Variants in FBXW7 observed in about 807,000 individuals in gnomAD.
FBXW7 encodes the protein F-box and WD repeat domain containing 7, also known as F-box/WD repeat-containing protein 7.
FBXW7 carries 11 observed loss-of-function variants against 86.3 expected under a neutral mutation model. That is an observed-to-expected ratio of 0.13 (90% confidence interval 0.08 to 0.21). The LOEUF (loss-of-function observed/expected upper bound fraction) is 0.21. FBXW7 is among the 10% of genes least tolerant of loss of function. FBXW7 has a pLI of 1.00. For synonymous variants in FBXW7, 313 were observed against 297.9 expected (o/e 1.05, Z -0.52); for missense variants, 488 against 847.4 (o/e 0.58, Z 5.27).
chr4:152,346,835 T>C (rs1283519308), intron 6 of FBXW7, 95 bp downstream of exon 6: 9 of 1,516,500 alleles, frequency 5.9e-6, no homozygotes, highest in South Asian at 1.2e-5. Flanking sequence ...CAGTATACTA[T>C]GTAACAGTGT....
intron 2 of FBXW7, among the ~76,000 whole-genome samples, chr4:152,503,044 T>C (rs1747100421): frequency 1.3e-5 from 2 of 152,184 alleles, no homozygotes; most frequent in African/African-American, 4.8e-5. Context: ...AAATCACATT[T>C]ACATAAAGAG....
intron 4 of FBXW7, among the ~76,000 whole-genome samples, chr4:152,381,219 T>A (rs893498330): frequency 1.3e-5 from 2 of 152,104 alleles, no homozygotes; most frequent in Non-Finnish European, 2.9e-5. Context: ...GAAGATTCTC[T>A]TTATTAAGGA....
At chr4:152,527,883 C>T (rs1749666537) in intron 2 of FBXW7, among the ~76,000 whole-genome samples, 1 of 151,632 alleles carries the variant, frequency 6.6e-6, no homozygotes, top group East Asian at 1.9e-4. Flanking sequence ...CACACACACA[C>T]ACACACACAC....
chr4:152,535,585 G>A lies in FBXW7; in HGVS notation c.-671C>T, dbSNP rs1750467446. 3 of 396,922 alleles carry A rather than the reference G, an allele frequency of 7.6e-6. No individual in the cohort carries two copies. The South Asian group carries it at 3.8e-4, about 51-fold the overall frequency. 24.6% of individuals were successfully genotyped at this position (396,922 alleles called of 1,614,324 possible). ...GCCCCGGGCGGGTGGCCGAGTCGGC[G>A]GCAAGGCGAGGGACCCGGCCGGCTC... On this transcript the variant is annotated 5_prime_UTR_variant, in exon 1 of 14. Coordinates refer to ENST00000281708, the MANE Select transcript of FBXW7 (RefSeq NM_001349798.2).
rs559748466 is a variant in FBXW7, at chr4:152,375,139, A to C, written c.502-25015T>G. 2.0e-5 allele frequency among the ~76,000 whole-genome samples: 3 copies of C among 152,140 alleles called. No individual in the cohort carries two copies. The East Asian group carries it at 5.8e-4, about 29-fold the overall frequency. On this transcript the variant is annotated intron_variant, in intron 4 of 13. Transcript: ENST00000281708. ...GGGCTAAATGACAAAGCTATGACAGAAATGTAATGCTAAGTAACAGTGCTA... is the reference window on the plus strand; with the variant it reads ...GGGCTAAATGACAAAGCTATGACAGCAATGTAATGCTAAGTAACAGTGCTA...
At chr4:152,483,743 G>GTGTGTGTGTGCACACACACACTTGCA in intron 2 of FBXW7, among the ~76,000 whole-genome samples, 1 of 151,834 alleles carries the variant, frequency 6.6e-6, no homozygotes, top group Admixed American at 6.6e-5. Context: ...TCTGTGTTGT[G>GTGTGTGTGTGCACACACACACTTGCA]TGTGTGTGTG....
chr4:152,355,932 G>A (rs922666272), intron 4 of FBXW7, among the ~76,000 whole-genome samples: 4 of 152,132 alleles, frequency 2.6e-5, no homozygotes, highest in Non-Finnish European at 5.9e-5. Flanking sequence ...TTTTAGAAGG[G>A]CAAGTTGTGG....
intron 4 of FBXW7, among the ~76,000 whole-genome samples, chr4:152,371,256 C>T (rs994526155): frequency 1.6e-4 from 25 of 151,622 alleles, no homozygotes; most frequent in African/African-American, 5.3e-4. Flanking sequence ...GAGATACATG[C>T]TAGTTTCTGC....
chr4:152,363,399 A>G (rs1733169142), intron 4 of FBXW7, among the ~76,000 whole-genome samples: 1 of 152,208 alleles, frequency 6.6e-6, no homozygotes. Context: ...CCAACTCAGG[A>G]GGGAAGGACA....
At chr4:152,323,857 T>C (rs1364737994) in intron 13 of FBXW7, 1 of 200,338 alleles carries the variant, frequency 5.0e-6, no homozygotes, top group African/African-American at 2.4e-5. Flanking sequence ...AAATTCAAAA[T>C]GCAATGGTCA....
intron 2 of FBXW7, among the ~76,000 whole-genome samples, chr4:152,527,901 C>CACACATAT (rs71596295): frequency 2.0e-5 from 3 of 149,188 alleles, no homozygotes; most frequent in Non-Finnish European, 3.0e-5. Flanking sequence ...CACACACACA[C>CACACATAT]ATATATATAC....
intron 2 of FBXW7, among the ~76,000 whole-genome samples, chr4:152,437,354 G>A (rs1234794248): frequency 6.6e-6 from 1 of 151,894 alleles, no homozygotes; most frequent in East Asian, 1.9e-4. Flanking sequence ...ACTCCAGCCT[G>A]GGAGACAGAG....
intron 2 of FBXW7, among the ~76,000 whole-genome samples, chr4:152,478,914 G>A (rs1203732435): frequency 6.6e-6 from 1 of 151,934 alleles, no homozygotes; most frequent in Non-Finnish European, 1.5e-5. Context: ...TTTTGCTGTT[G>A]GGCATAGTAC....
chr4:152,390,475 T>C (rs1219997332), intron 4 of FBXW7, among the ~76,000 whole-genome samples: 1 of 152,098 alleles, frequency 6.6e-6, no homozygotes, highest in African/African-American at 2.4e-5. Context: ...AGTTCGTGAT[T>C]ATTATAGTTA....
intron 6 of FBXW7, among the ~76,000 whole-genome samples, chr4:152,346,126 A>G (rs536274108): frequency 6.6e-6 from 1 of 152,190 alleles, no homozygotes; most frequent in Non-Finnish European, 1.5e-5. Context: ...AATCAATGTA[A>G]TATCACTATC....
Position 152,413,687 on chromosome 4 carries a change from C to G in FBXW7, c.-119-1158G>C, listed in dbSNP as rs34002805. Among the ~76,000 whole-genome samples, 189 of 152,200 alleles carry G rather than the reference C, an allele frequency of 1.2e-3. 7 individuals are homozygous for G. The East Asian group carries it at 0.034, about 27-fold the overall frequency. ...ATACTCAAAGATTATTACTCTAAAA[C>G]AAATTATTTGCTGAGCATTCAATAT... On this transcript the variant is annotated intron_variant, in intron 2 of 13. Coordinates refer to ENST00000281708, the MANE Select transcript of FBXW7 (RefSeq NM_001349798.2).
chr4:152,401,194 T>C (rs777040084), intron 4 of FBXW7, among the ~76,000 whole-genome samples: 3 of 152,202 alleles, frequency 2.0e-5, no homozygotes, highest in Non-Finnish European at 2.9e-5. Flanking sequence ...CCTTGGCATT[T>C]ACGCAAAGGA....
In FBXW7 at chr4:152,492,443, A is replaced by G. The variant is rs1237537815; in HGVS notation, c.-120+42498T>C. On this transcript the variant is annotated intron_variant, in intron 2 of 13. Transcript: ENST00000281708. ...TCCAAAGGTGTATGCTTAAATTTAT[A>G]AGAAATTGCCAGTGGTATTCCAAAG... Among the ~76,000 whole-genome samples, 3 of 152,216 alleles carry G rather than the reference A, an allele frequency of 2.0e-5. No individual in the cohort carries two copies. The East Asian group carries it at 5.8e-4, about 29-fold the overall frequency.
intron 2 of FBXW7, among the ~76,000 whole-genome samples, chr4:152,490,567 A>G (rs1490303291): frequency 6.6e-6 from 1 of 152,090 alleles, no homozygotes; most frequent in Non-Finnish European, 1.5e-5. Context: ...GAGCTAGGAA[A>G]TATTGGGCAT....
Sources: allele counts gnomAD v4.1 joint callset (sites outside exome capture counted in the v4.1 genomes callset), GRCh38; gene constraint gnomAD v4.1.1; transcripts MANE v1.5; gene names NCBI Gene and HGNC (gene_info 2026-07-23, HGNC 2026-07-21).